The following ZCCHC2 variants were observed in gnomAD, a reference collection of about 807,000 sequenced individuals.
ZCCHC2 encodes the protein zinc finger CCHC-type containing 2, also known as zinc finger CCHC domain-containing protein 2.
Under a neutral mutation model 103.6 loss-of-function variants are expected in ZCCHC2, and 39 were observed. That is an observed-to-expected ratio of 0.38 (90% CI 0.29 to 0.49). The LOEUF (loss-of-function observed/expected upper bound fraction) is 0.49, where lower values mean the gene tolerates loss of function less well. Ranked by LOEUF, ZCCHC2 falls within the 20% of genes least tolerant of loss-of-function variation. The pLI is 0.96. For missense variants in ZCCHC2, 1,483 were observed against 1,491.0 expected (o/e 0.99, Z 0.09); for synonymous variants, 687 against 608.9 (o/e 1.13, Z -1.89).
chr18:62,537,856 G>C (rs1247851607), intron 1 of ZCCHC2, among the ~76,000 whole-genome samples: 4 of 152,158 alleles, frequency 2.6e-5, no homozygotes, highest in Non-Finnish European at 5.9e-5. Flanking sequence ...CTGCCTGACT[G>C]TCTTCAACAG....
At chr18:62,579,979 C>T (rs1214489893), downstream of ZCCHC2, among the ~76,000 whole-genome samples, 1 of 144,494 alleles carries the variant, frequency 6.9e-6, no homozygotes, top group African/African-American at 2.5e-5. Context: ...GATCCACCCG[C>T]CTTGGCCTCC....
intron 12 of ZCCHC2, among the ~76,000 whole-genome samples, chr18:62,570,684 A>G (rs1916564207): frequency 6.6e-6 from 1 of 152,198 alleles, no homozygotes; most frequent in Non-Finnish European, 1.5e-5. Flanking sequence ...TACTGCTTGC[A>G]CAGTATTTTG....
chr18:62,526,129 C>T (rs1598923255), intron 1 of ZCCHC2: 1 of 151,874 alleles, frequency 6.6e-6, no homozygotes, highest in East Asian at 1.9e-4. Flanking sequence ...TGTTGGAGGG[C>T]AAGTAGAGAA....
rs1005174408 is a variant in ZCCHC2, at chr18:62,578,259, A to G, written c.*1680A>G. ...AAATTATTTTGATTAAATATATTTT[A>G]TTTGATCTGGGTATTTTTGGACCAC... On this transcript the variant is annotated 3_prime_UTR_variant, in exon 14 of 14. Transcript: ENST00000269499. The G allele has an allele frequency of 6.6e-6, 1 of 152,574 alleles. No individual in the cohort carries two copies. Among genetic ancestry groups the G allele is most frequent in the African/African-American group, 2.4e-5 (1 of 41,440 alleles). The allele number at this position is 152,574 out of a possible 1,614,324, so 9.5% of individuals were successfully genotyped here.
chr18:62,550,484 C>T, intron 5 of ZCCHC2, 24 bp downstream of exon 5: 1 of 1,572,574 alleles, frequency 6.4e-7, no homozygotes, highest in Non-Finnish European at 8.7e-7. Context: ...TGACGCCTAT[C>T]ATAGCAGCAT....
intron 9 of ZCCHC2, 114 bp downstream of exon 9, chr18:62,563,258 A>C: frequency 7.6e-7 from 1 of 1,307,298 alleles, no homozygotes; most frequent in Non-Finnish European, 1.0e-6. Context: ...GAAATGAAGG[A>C]ATGTTTAAGT....
intron 1 of ZCCHC2, among the ~76,000 whole-genome samples, chr18:62,535,425 A>G (rs1914877306): frequency 6.6e-6 from 1 of 152,168 alleles, no homozygotes; most frequent in African/African-American, 2.4e-5. Context: ...ATTACCCCCA[A>G]ACTTAGTGGT....
Position 62,556,307 on chromosome 18 carries a change from C to G in ZCCHC2, c.1408+10C>G. 6 of 1,556,072 alleles carry G rather than the reference C, an allele frequency of 3.9e-6. No homozygotes were observed. Among genetic ancestry groups the G allele is most frequent in the Non-Finnish European group, 5.2e-6 (6 of 1,146,646 alleles). ...TCCCTACACAGTATCAGTAAGCATC[C>G]TCTGTCCCTCTGTGGAAATCTTTTT... On this transcript the variant is annotated intron_variant, in intron 6 of 13. Transcript: ENST00000269499.
In ZCCHC2 at chr18:62,576,695, A is replaced by C; in HGVS notation, c.*116A>C. 9.9e-7 allele frequency: 1 copy of C among 1,013,172 alleles called. No homozygotes were observed. 62.8% of individuals were successfully genotyped at this position (1,013,172 alleles called of 1,614,324 possible). ...CTATACATTTCCTAGATTTCTATGC[A>C]GTTGGGATTTTTCATTTCTCTTGTA... On this transcript the variant is annotated 3_prime_UTR_variant, in exon 14 of 14. Coordinates refer to ENST00000269499, the MANE Select transcript of ZCCHC2 (RefSeq NM_017742.6).
intron 12 of ZCCHC2, 83 bp from the exon 13 acceptor site, chr18:62,573,974 T>C: frequency 2.2e-6 from 3 of 1,377,246 alleles, no homozygotes; most frequent in African/African-American, 1.4e-5. Flanking sequence ...TGAGTTACTT[T>C]GAGGTATACT....
chr18:62,563,060 T>C lies in ZCCHC2; in HGVS notation c.1602T>C (p.Ser534=), dbSNP rs1406890938. The change falls in exon 9 of 14, where the codon TCT becomes TCC. Residue 534 remains serine (S), a synonymous_variant. Coordinates refer to ENST00000269499, the MANE Select transcript of ZCCHC2 (RefSeq NM_017742.6). ...TGGATGGGCTTACCATGCAATATTC[T>C]GAACAGAATGGAATTGTGGATTGGA... ...SPLDGLTMQY[S]EQNGIVDWRK... The C allele has an allele frequency of 1.2e-6, 2 of 1,613,986 alleles. No homozygotes were observed. The highest frequency in any genetic ancestry group is 1.1e-5 in the South Asian group (1 of 91,080).
downstream of ZCCHC2, among the ~76,000 whole-genome samples, chr18:62,580,231 G>A (rs145040838): frequency 1.3e-5 from 2 of 152,206 alleles, no homozygotes; most frequent in East Asian, 3.9e-4. Context: ...TCATTGTGGG[G>A]AAGAATATAG....
chr18:62,562,612 C>T (rs972974742), intron 8 of ZCCHC2, among the ~76,000 whole-genome samples: 3 of 152,094 alleles, frequency 2.0e-5, no homozygotes, highest in Non-Finnish European at 4.4e-5. Context: ...CTGCTGGGGC[C>T]TATTTCTCTT....
In ZCCHC2 at chr18:62,523,375, G is replaced by GGGGGGGGC; in HGVS notation, c.-49_-48insGGGGGGCG. ...CGCCTCGGCCCGTGCTCCACCTCGCGGCCCCTCCCGCCCGCCCCCGCTCGC... is the reference window on the plus strand; with the variant it reads ...CGCCTCGGCCCGTGCTCCACCTCGCGGGGGGGGCGCCCCTCCCGCCCGCCCCCGCTCGC... On this transcript the variant is annotated 5_prime_UTR_variant, in exon 1 of 14. Coordinates refer to ENST00000269499, the MANE Select transcript of ZCCHC2 (RefSeq NM_017742.6). 5 of 1,009,540 alleles carry GGGGGGGGC rather than the reference G, an allele frequency of 5.0e-6. No individual in the cohort carries two copies. The highest frequency in any genetic ancestry group is 5.9e-6 in the Non-Finnish European group (5 of 847,972). 62.5% of individuals were successfully genotyped at this position (1,009,540 alleles called of 1,614,324 possible).
chr18:62,524,081 C>G lies in ZCCHC2; in HGVS notation c.657C>G (p.Asp219Glu), dbSNP rs1314329345. Reference sequence around the variant, plus strand: ...AGGGCTCGCGGGGCGGCGCGGAGGACGAGCGCGGCGAGGACGGCGACGGCG... The same window carrying G: ...AGGGCTCGCGGGGCGGCGCGGAGGAGGAGCGCGGCGAGGACGGCGACGGCG... ...RGEGSRGGAE[D>E]ERGEDGDGEQ... is the part of the protein sequence containing the mutation. The change falls in exon 1 of 14, where the codon GAC becomes GAG. Residue 219 changes from aspartate (D) to glutamate (E), a missense_variant. Physicochemically the swap from Asp to Glu is conservative, Grantham distance 45 (BLOSUM62 2). Coordinates refer to ENST00000269499, the MANE Select transcript of ZCCHC2 (RefSeq NM_017742.6). The G allele has an allele frequency of 6.0e-6, 9 of 1,509,640 alleles. No homozygotes were observed. Among genetic ancestry groups the G allele is most frequent in the South Asian group, 1.2e-5 (1 of 80,452 alleles). The allele number at this position is 1,509,640 out of a possible 1,614,324, so 93.5% of individuals were successfully genotyped here. A position where few individuals can be genotyped will look rare whatever the true frequency, so the allele number is the denominator to read the frequency against.
At chr18:62,554,364 A>G (rs1301839750) in intron 5 of ZCCHC2, among the ~76,000 whole-genome samples, 1 of 152,258 alleles carries the variant, frequency 6.6e-6, no homozygotes, top group East Asian at 1.9e-4. Context: ...TAGGTTAGGA[A>G]AATGAAAATA....
At chr18:62,548,987 G>C (rs765080071) in intron 4 of ZCCHC2, among the ~76,000 whole-genome samples, 6 of 152,066 alleles carry the variant, frequency 3.9e-5, no homozygotes, top group African/African-American at 1.4e-4. Context: ...TGGGGGGTCA[G>C]GGCGGGTGGA....
chr18:62,574,083 G>A lies in ZCCHC2; in HGVS notation c.2002G>A (p.Gly668Arg), dbSNP rs1916699909. ...RDTDSNSEDS[G>R]NPSTTRFTGY... is the part of the protein sequence containing the mutation. ...CACAGACAGCAATTCTGAGGATTCT[G>A]GGAATCCATCAACAACTAGGTTTAC... Residue 668 changes from glycine (G) to arginine (R), a missense_variant, in exon 13 of 14, where the codon GGG (glycine) becomes AGG (arginine). By Grantham distance (125) the Gly-to-Arg change is moderately radical. Coordinates refer to ENST00000269499, the MANE Select transcript of ZCCHC2 (RefSeq NM_017742.6). 6.2e-7 allele frequency: 1 copy of A among 1,613,616 alleles called. No individual in the cohort carries two copies. Among genetic ancestry groups the A allele is most frequent in the Non-Finnish European group, 8.5e-7 (1 of 1,179,684 alleles).
rs1199118291 is a variant in ZCCHC2 at position 62,523,910 on chromosome 18, C to A, written c.486C>A (p.Ala162=). The change falls in exon 1 of 14, where the codon GCC becomes GCA. Residue 162 remains alanine (A), a synonymous_variant. Coordinates refer to ENST00000269499, the MANE Select transcript of ZCCHC2 (RefSeq NM_017742.6). ...GCCTCTCGGACCCGGGGCCGCTGGC[C>A]GACTTCCGAGAGCCCGCGGTGCGCT... ...ANGLSDPGPL[A]DFREPAVRSR... is the part of the protein sequence containing the mutation. 1 of 1,536,618 alleles carries A rather than the reference C, an allele frequency of 6.5e-7. No individual in the cohort carries two copies. The highest frequency in any genetic ancestry group is 2.0e-5 in the Admixed American group (1 of 50,396).
Sources: gnomAD v4.1 joint callset for allele counts (sites outside exome capture counted in the v4.1 genomes callset) on GRCh38, gnomAD v4.1.1 for gene constraint, MANE v1.5 for transcripts, NCBI Gene and HGNC (gene_info 2026-07-23, HGNC 2026-07-21) for gene names.